Variants in ECE1 observed in about 807,000 individuals in gnomAD.
ECE1 encodes the protein endothelin converting enzyme 1.
In ECE1, 35 loss-of-function variants were observed where a neutral mutation model predicts 98.6. The ratio of observed to expected loss-of-function variants is 0.35; its 90% confidence interval spans 0.27 to 0.47. ECE1 has a LOEUF of 0.47. Ranked by LOEUF, ECE1 falls within the 20% of genes least tolerant of loss-of-function variation. The pLI, the probability that ECE1 is intolerant of heterozygous loss-of-function variation, is 1.00. For synonymous variants in ECE1, 394 were observed against 407.1 expected (o/e 0.97, Z 0.39); for missense variants, 814 against 1,025.3 (o/e 0.79, Z 2.81).
At chr1:21,238,333 C>T in intron 10 of ECE1, 89 bp from the exon 11 acceptor site, 1 of 1,050,768 alleles carries the variant, frequency 9.5e-7, no homozygotes, top group Non-Finnish European at 1.4e-6. Context: ...ATGTGGGGCC[C>T]ATGCTTTGTT....
rs767929865 is a variant in ECE1, at chr1:21,290,074, A to C, written c.134T>G (p.Leu45Arg). Reference sequence around the variant, plus strand: ...GAGGGAGCGGAGGGCGCCTACCTGCAGGCCGTTGGGGTATGCGTCGCCCTC... The same window carrying C: ...GAGGGAGCGGAGGGCGCCTACCTGCCGGCCGTTGGGGTATGCGTCGCCCTC... ...LSEGDAYPNG[L>R]QVNFHSPRSG... The change falls in exon 2 of 19, where the codon CTG becomes CGG. Residue 45 changes from leucine to arginine, a missense_variant. Physicochemically the swap from Leu to Arg is moderately radical, Grantham distance 102. Coordinates refer to ENST00000374893, the MANE Select transcript of ECE1 (RefSeq NM_001397.3). The surrounding 1 kb of genome is among the most constrained non-coding windows in gnomAD (Gnocchi z 7.3). The C allele has an allele frequency of 2.0e-6, 3 of 1,485,464 alleles. No homozygotes were observed. The allele number at this position is 1,485,464 out of a possible 1,614,324, so 92.0% of individuals were successfully genotyped here.
rs547848337 is a variant in ECE1, at chr1:21,319,429, C to T, written c.3+25947G>A. 2.0e-5 allele frequency among the ~76,000 whole-genome samples: 3 copies of T among 152,280 alleles called. No homozygotes were observed. Among genetic ancestry groups the T allele is most frequent in the South Asian group, 2.1e-4 (1 of 4,822 alleles). On this transcript the variant is annotated intron_variant, in intron 1 of 18. Coordinates refer to the ECE1 transcript ENST00000415912. This position sits in a 1 kb window ranked among gnomAD's most constrained non-coding sequence, Gnocchi z 4.4. ...CTTTTCTAGAGACATGATAAGACCT[C>T]GTGTCTAAATGGCCTGGTACATACT...
intron 7 of ECE1, among the ~76,000 whole-genome samples, chr1:21,256,350 G>A (rs2098219943): frequency 1.3e-5 from 2 of 152,182 alleles, no homozygotes; most frequent in South Asian, 4.1e-4. Flanking sequence ...AAGGTCAGGA[G>A]TTTGAGACCA....
At chr1:21,263,348 T>C (rs1169465883) in intron 4 of ECE1, among the ~76,000 whole-genome samples, 1 of 136,568 alleles carries the variant, frequency 7.3e-6, no homozygotes, top group African/African-American at 2.7e-5. Flanking sequence ...TAAGGTTTCC[T>C]TTTTTTATAT....
intron 4 of ECE1, among the ~76,000 whole-genome samples, chr1:21,264,238 G>A (rs911152970): frequency 3.3e-5 from 5 of 151,922 alleles, no homozygotes; most frequent in Non-Finnish European, 7.4e-5. Flanking sequence ...GGGGAGCCCT[G>A]GTCTGGGGAG....
chr1:21,265,721 C>CT (rs1292744386), intron 4 of ECE1, among the ~76,000 whole-genome samples: 1 of 152,126 alleles, frequency 6.6e-6, no homozygotes, highest in Admixed American at 6.5e-5. Flanking sequence ...GGCTGTCACT[C>CT]TGAGTTCAGC....
chr1:21,334,461 G>A (rs764544119), intron 1 of ECE1, among the ~76,000 whole-genome samples: 15 of 152,260 alleles, frequency 9.9e-5, no homozygotes, highest in South Asian at 2.1e-4. Flanking sequence ...TCCCTCCAGC[G>A]TGGCCGTGTG....
In ECE1 at chr1:21,307,185, C is replaced by T. The variant is rs565505369; in HGVS notation, c.4-17029G>A. Among the ~76,000 whole-genome samples the T allele has an allele frequency of 3.6e-4, 55 of 152,330 alleles. No individual in the cohort carries two copies. Among genetic ancestry groups the T allele is most frequent in the Middle Eastern group, 6.8e-3 (2 of 294 alleles). On this transcript the variant is annotated intron_variant, in intron 1 of 18. Coordinates refer to the ECE1 transcript ENST00000415912. This position sits in a 1 kb window ranked among gnomAD's most constrained non-coding sequence, Gnocchi z 4.2. ...AACTCCTGTCCACATTACCCCAGCC[C>T]GGGCCCTGTAATGCTGGCTTTAACA...
chr1:21,284,141 C>T (rs2103349608), intron 2 of ECE1, among the ~76,000 whole-genome samples: 1 of 152,260 alleles, frequency 6.6e-6, no homozygotes, highest in East Asian at 1.9e-4. Flanking sequence ...ATCCCTGTCG[C>T]ACCTGCCCAG....
chr1:21,259,097 T>G lies in ECE1; in HGVS notation c.616-258A>C, dbSNP rs137896853. Among the ~76,000 whole-genome samples the G allele has an allele frequency of 3.0e-3, 461 of 152,286 alleles. 1 individual carries two copies. The Middle Eastern group carries it at 0.037, about 12-fold the overall frequency. On this transcript the variant is annotated intron_variant, in intron 5 of 18. Coordinates refer to ENST00000374893, the MANE Select transcript of ECE1 (RefSeq NM_001397.3). ...CCAGCCGCTCCCTGGGTGGCTGGGA[T>G]GAGAATGGGAAAGAGACTTTTCCCG...
At chr1:21,305,003 T>G (rs1026330243) in intron 1 of ECE1, among the ~76,000 whole-genome samples, 1 of 152,186 alleles carries the variant, frequency 6.6e-6, no homozygotes, top group Non-Finnish European at 1.5e-5. Flanking sequence ...ACCCACAGGT[T>G]AAGGCCTTGA....
intron 1 of ECE1, chr1:21,298,581 C>CA (rs1569699405): frequency 5.4e-6 from 2 of 373,064 alleles, no homozygotes; most frequent in African/African-American, 4.2e-5. Context: ...AGAAGCAGCA[C>CA]ATGGGAGGGA....
At position 21,225,583 on chromosome 1, in the gene ECE1, G is replaced by A. The variant is rs780130842; in HGVS notation, c.1850-143C>T. The A allele has an allele frequency of 7.6e-4, 694 of 908,964 alleles. 2 individuals carry two copies. The highest frequency in any genetic ancestry group is 1.3e-3 in the Admixed American group (57 of 42,562). 56.3% of individuals were successfully genotyped at this position (908,964 alleles called of 1,614,324 possible). ...ATGGGGAGACGAGGTCCCTGTGAGT[G>A]CCGAGGGACGTGGATGTGGTGGCCA... is the stretch of plus-strand genomic sequence containing the variant. On this transcript the variant is annotated intron_variant, in intron 16 of 18. Coordinates refer to ENST00000374893, the MANE Select transcript of ECE1 (RefSeq NM_001397.3). This position sits in a 1 kb window ranked among gnomAD's most constrained non-coding sequence, Gnocchi z 5.3.
At chr1:21,257,406 T>C (rs2098221206) in intron 7 of ECE1, 119 bp downstream of exon 7, 2 of 1,110,600 alleles carry the variant, frequency 1.8e-6, no homozygotes, top group Middle Eastern at 2.0e-4. Context: ...GTTTCACCCA[T>C]CAGGTCACTG....
At chr1:21,251,387 C>T (rs949256145) in intron 8 of ECE1, among the ~76,000 whole-genome samples, 3 of 152,038 alleles carry the variant, frequency 2.0e-5, no homozygotes, top group Non-Finnish European at 2.9e-5. Flanking sequence ...TGGTGGTGCA[C>T]GCCTGTAATC....
intron 1 of ECE1, among the ~76,000 whole-genome samples, chr1:21,326,363 C>T (rs1384997380): frequency 6.6e-6 from 1 of 151,042 alleles, no homozygotes; most frequent in Admixed American, 6.6e-5. Flanking sequence ...CCTGGGAGAC[C>T]GTGGGGTGTG....
intron 1 of ECE1, among the ~76,000 whole-genome samples, chr1:21,333,984 C>G (rs1159152071): frequency 2.0e-5 from 3 of 152,182 alleles, no homozygotes; most frequent in Non-Finnish European, 2.9e-5. Flanking sequence ...TACCATCATC[C>G]CATTTCATAG....
chr1:21,284,103 G>A (rs956603060), intron 2 of ECE1, among the ~76,000 whole-genome samples: 40 of 152,222 alleles, frequency 2.6e-4, no homozygotes, highest in African/African-American at 9.2e-4. Flanking sequence ...TCCAATGGCC[G>A]CTGGCCTCGG....
chr1:21,326,648 C>T (rs761216183), intron 1 of ECE1, among the ~76,000 whole-genome samples: 11 of 151,934 alleles, frequency 7.2e-5, no homozygotes, highest in East Asian at 1.9e-4. Context: ...TTTGGAGCAG[C>T]GTAGGGAGGT....
Sources: allele counts gnomAD v4.1 joint callset (sites outside exome capture counted in the v4.1 genomes callset), GRCh38; gene constraint gnomAD v4.1.1; non-coding constraint Gnocchi (gnomAD v3.1); transcripts MANE v1.5; gene names NCBI Gene and HGNC (gene_info 2026-07-23, HGNC 2026-07-21).